WNT3: variants seen among roughly 807,000 people sequenced by gnomAD.
WNT3 encodes proto-oncogene Wnt-3.
WNT3 carries 7 observed loss-of-function variants against 34.2 expected under a neutral mutation model. That is an observed-to-expected ratio of 0.20 (90% confidence interval 0.12 to 0.38). The LOEUF is 0.38. WNT3 is among the 10% of genes least tolerant of loss of function. WNT3 has a pLI of 1.00. For missense variants in WNT3, 267 were observed against 499.8 expected (o/e 0.53, Z 4.44); for synonymous variants, 212 against 211.5 (o/e 1.00, Z -0.02).
intron 1 of WNT3, among the ~76,000 whole-genome samples, chr17:46,780,230 C>T (rs955215507): frequency 2.6e-5 from 4 of 152,326 alleles, no homozygotes; most frequent in South Asian, 2.1e-4. Context: ...CACCCAGTGA[C>T]GGCCAATCCC....
intron 1 of WNT3, among the ~76,000 whole-genome samples, chr17:46,797,626 C>T (rs1191041907): frequency 6.6e-6 from 1 of 152,204 alleles, no homozygotes; most frequent in Non-Finnish European, 1.5e-5. Context: ...ATCCTGCAAC[C>T]CAAAGTTCCA....
intron 2 of WNT3, among the ~76,000 whole-genome samples, chr17:46,771,813 C>A (rs912436573): frequency 6.9e-6 from 1 of 144,420 alleles, no homozygotes. Flanking sequence ...GTGTGAATGG[C>A]GCGGCGGCCG....
intron 1 of WNT3, among the ~76,000 whole-genome samples, chr17:46,802,619 A>G (rs1239839630): frequency 1.3e-5 from 2 of 152,124 alleles, no homozygotes; most frequent in Non-Finnish European, 2.9e-5. Flanking sequence ...TCCTTTGGGA[A>G]GGGGAGAGGG....
intron 1 of WNT3, among the ~76,000 whole-genome samples, chr17:46,785,023 C>T (rs887376152): frequency 8.5e-5 from 13 of 152,064 alleles, no homozygotes; most frequent in East Asian, 1.9e-4. Context: ...GTGATCTGCC[C>T]GCCTTGGCCT....
At chr17:46,780,914 A>G (rs922199203) in intron 1 of WNT3, among the ~76,000 whole-genome samples, 12 of 152,154 alleles carry the variant, frequency 7.9e-5, no homozygotes, top group African/African-American at 1.4e-4. Flanking sequence ...CAGGTGGCCC[A>G]TACATACAGT....
At chr17:46,811,578 G>A (rs1388300241) in intron 1 of WNT3, among the ~76,000 whole-genome samples, 1 of 152,120 alleles carries the variant, frequency 6.6e-6, no homozygotes, top group African/African-American at 2.4e-5. Context: ...CAACAGAAAA[G>A]GAGCAAACCT....
intron 4 of WNT3, among the ~76,000 whole-genome samples, chr17:46,765,200 A>G (rs553203004): frequency 6.6e-6 from 1 of 152,372 alleles, no homozygotes; most frequent in Non-Finnish European, 1.5e-5. Flanking sequence ...AGGCCAAGAT[A>G]AGACTACTTT....
chr17:46,805,939 T>G (rs74853344), intron 1 of WNT3, among the ~76,000 whole-genome samples: 15,788 of 152,266 alleles, frequency 0.1, 865 homozygotes, highest in Middle Eastern at 0.13. Context: ...TTACCAACCA[T>G]GGAGCCTTCG....
intron 1 of WNT3, among the ~76,000 whole-genome samples, chr17:46,792,539 T>C (rs1269658234): frequency 6.6e-6 from 1 of 152,154 alleles, no homozygotes. Flanking sequence ...AATGGTGCCG[T>C]GTTGGTTTAC....
chr17:46,793,974 C>T (rs1026072859), intron 1 of WNT3, among the ~76,000 whole-genome samples: 4 of 152,156 alleles, frequency 2.6e-5, no homozygotes, highest in Admixed American at 1.3e-4. Flanking sequence ...TGCATTTATT[C>T]GGCACCTGCT....
intron 1 of WNT3, among the ~76,000 whole-genome samples, chr17:46,795,307 A>C (rs536577632): frequency 6.6e-6 from 1 of 152,272 alleles, no homozygotes; most frequent in Admixed American, 6.5e-5. Flanking sequence ...TGGTGTGGCC[A>C]GAACTGGGGA....
intron 1 of WNT3, among the ~76,000 whole-genome samples, chr17:46,780,367 C>T (rs1256261651): frequency 6.6e-6 from 1 of 152,246 alleles, no homozygotes; most frequent in Non-Finnish European, 1.5e-5. Context: ...TGGAATCACA[C>T]ACAATCTCCC....
At position 46,798,374 on chromosome 17, in the gene WNT3, G is replaced by A. The variant is rs536175592; in HGVS notation, c.80+20144C>T. On this transcript the variant is annotated intron_variant, in intron 1 of 4. Coordinates refer to ENST00000225512, the MANE Select transcript of WNT3 (RefSeq NM_030753.5). ...GTCTGGTCCTTCAGGGACATAGTGA[G>A]GCTCAGGTTTTCATTCTGTCATCAT... is the stretch of plus-strand genomic sequence containing the variant. Among the ~76,000 whole-genome samples, 4 of 152,356 alleles carry A rather than the reference G, an allele frequency of 2.6e-5. No homozygotes were observed. The East Asian group carries it at 7.7e-4, about 29-fold the overall frequency.
intron 2 of WNT3, among the ~76,000 whole-genome samples, chr17:46,771,828 G>GT (rs1291765265): frequency 1.4e-5 from 2 of 144,450 alleles, no homozygotes; most frequent in Non-Finnish European, 3.1e-5. Flanking sequence ...CGGCCGCGCG[G>GT]TGGGGGGGCG....
intron 1 of WNT3, among the ~76,000 whole-genome samples, chr17:46,797,715 A>G (rs1410475306): frequency 6.6e-6 from 1 of 152,192 alleles, no homozygotes; most frequent in East Asian, 1.9e-4. Context: ...GAGACAAAAT[A>G]GATAAACTGT....
chr17:46,782,071 C>T (rs1488467168), intron 1 of WNT3, among the ~76,000 whole-genome samples: 3 of 152,210 alleles, frequency 2.0e-5, no homozygotes, highest in Non-Finnish European at 2.9e-5. Flanking sequence ...CCAGGGGCTG[C>T]GGCCCAGGGA....
rs376610330 is a variant in WNT3 at position 46,773,854 on chromosome 17, C to T, written c.136G>A (p.Gly46Ser). 1.9e-5 allele frequency: 30 copies of T among 1,612,922 alleles called. No individual in the cohort carries two copies. The highest frequency in any genetic ancestry group is 2.5e-5 in the Non-Finnish European group (29 of 1,180,000). ...TSLGSQPLLCGSIPGLVPKQL... is the reference protein window; with the variant it reads ...TSLGSQPLLCSSIPGLVPKQL... ...TTGGGGACCAGGCCTGGGATGGAGC[C>T]GCAGAGCAGGGGCTGTGAGCCCAGA... is the stretch of plus-strand genomic sequence containing the variant. The change falls in exon 2 of 5, where the codon GGC becomes AGC. Residue 46 changes from glycine to serine, a missense_variant. Gly to Ser is a moderately conservative substitution (Grantham distance 56, BLOSUM62 0). Transcript: ENST00000225512.
rs1325791960 is a variant in WNT3 at position 46,818,611 on chromosome 17, G to A, written c.-14C>T. On this transcript the variant is annotated 5_prime_UTR_variant, in exon 1 of 5. Coordinates refer to ENST00000225512, the MANE Select transcript of WNT3 (RefSeq NM_030753.5). ...GTGGGGCTCCATTAGAAGAGGCGCCGAGGAGGAAGTTTGCCCGCGACCATG... is the reference window on the plus strand; with the variant it reads ...GTGGGGCTCCATTAGAAGAGGCGCCAAGGAGGAAGTTTGCCCGCGACCATG... 6.3e-7 allele frequency: 1 copy of A among 1,586,862 alleles called. No homozygotes were observed. The highest frequency in any genetic ancestry group is 8.6e-7 in the Non-Finnish European group (1 of 1,166,546).
chr17:46,782,938 C>T (rs762448673), intron 1 of WNT3, among the ~76,000 whole-genome samples: 1 of 152,160 alleles, frequency 6.6e-6, no homozygotes, highest in African/African-American at 2.4e-5. Flanking sequence ...TTCTTCTGAG[C>T]CCAAAGGGAC....
Sources: gnomAD v4.1 joint callset for allele counts (sites outside exome capture counted in the v4.1 genomes callset) on GRCh38, gnomAD v4.1.1 for gene constraint, MANE v1.5 for transcripts, NCBI Gene and HGNC (gene_info 2026-07-23, HGNC 2026-07-21) for gene names.